The following SEMA5A variants were observed in gnomAD, a reference collection of about 807,000 sequenced individuals.
SEMA5A encodes the protein semaphorin-5A.
SEMA5A carries 55 observed loss-of-function variants against 135.5 expected under a neutral mutation model. The ratio of observed to expected loss-of-function variants is 0.41; its 90% CI spans 0.33 to 0.51. The LOEUF (loss-of-function observed/expected upper bound fraction) is 0.51. SEMA5A is among the 20% of genes least tolerant of loss of function. The pLI is 0.37. For missense variants in SEMA5A, 1,290 were observed against 1,419.9 expected, an observed-to-expected ratio of 0.91 and a Z score of 1.47; for synonymous variants, 580 against 546.5, an observed-to-expected ratio of 1.06 and a Z score of -0.85.
intron 2 of SEMA5A, among the ~76,000 whole-genome samples, chr5:9,407,300 C>G (rs749844813): frequency 6.6e-6 from 1 of 152,190 alleles, no homozygotes; most frequent in Non-Finnish European, 1.5e-5. Context: ...ATTTTCTTCT[C>G]TACTTACTGT....
chr5:9,460,516 C>T (rs909567626), intron 1 of SEMA5A, among the ~76,000 whole-genome samples: 2 of 152,030 alleles, frequency 1.3e-5, no homozygotes, highest in East Asian at 3.8e-4. Context: ...TTATTTCAAT[C>T]TGTCTACTAT....
At chr5:9,203,294 T>C (rs1745822979) in intron 8 of SEMA5A, among the ~76,000 whole-genome samples, 1 of 152,218 alleles carries the variant, frequency 6.6e-6, no homozygotes, top group Non-Finnish European at 1.5e-5. Flanking sequence ...CCAAAATTAA[T>C]GGAAAGATAC....
intron 11 of SEMA5A, among the ~76,000 whole-genome samples, chr5:9,169,657 T>G (rs962665366): frequency 6.6e-6 from 1 of 152,236 alleles, no homozygotes; most frequent in African/African-American, 2.4e-5. Flanking sequence ...GCTCTCCCAC[T>G]CTCCTCTCCC....
At chr5:9,104,917 G>A (rs1739826503) in intron 16 of SEMA5A, among the ~76,000 whole-genome samples, 1 of 152,190 alleles carries the variant, frequency 6.6e-6, no homozygotes, top group Non-Finnish European at 1.5e-5. Context: ...CACCAGGGAG[G>A]GACATTTGCT....
At chr5:9,479,851 A>G (rs185115066) in intron 1 of SEMA5A, among the ~76,000 whole-genome samples, 4 of 152,346 alleles carry the variant, frequency 2.6e-5, no homozygotes, top group East Asian at 1.9e-4. Context: ...AGAGAAGGCT[A>G]CAGGGAGAGG....
chr5:9,286,897 C>G (rs575232967), intron 5 of SEMA5A, among the ~76,000 whole-genome samples: 2 of 152,370 alleles, frequency 1.3e-5, no homozygotes, highest in South Asian at 4.1e-4. Context: ...CGGGCTCCTT[C>G]TGCACCTTGG....
At chr5:9,467,759 G>C (rs1561277332) in intron 1 of SEMA5A, among the ~76,000 whole-genome samples, 2 of 152,172 alleles carry the variant, frequency 1.3e-5, no homozygotes. Context: ...GTCTAGGCAG[G>C]CCTAAGCCCG....
At chr5:9,349,480 G>A (rs1207016524) in intron 3 of SEMA5A, among the ~76,000 whole-genome samples, 2 of 152,114 alleles carry the variant, frequency 1.3e-5, no homozygotes, top group African/African-American at 4.8e-5. Context: ...AACTGAAGAA[G>A]ATAAATACTA....
At chr5:9,435,316 C>G (rs2126666315) in intron 2 of SEMA5A, among the ~76,000 whole-genome samples, 1 of 152,174 alleles carries the variant, frequency 6.6e-6, no homozygotes, top group East Asian at 1.9e-4. Context: ...GTAGGAAATA[C>G]CATCTAAACT....
chr5:9,058,760 C>T (rs2150058187), intron 18 of SEMA5A, among the ~76,000 whole-genome samples: 1 of 152,322 alleles, frequency 6.6e-6, no homozygotes, highest in South Asian at 2.1e-4. Context: ...CACTCACAGT[C>T]TCTCGGGACA....
intron 1 of SEMA5A, among the ~76,000 whole-genome samples, chr5:9,496,188 G>A (rs1244885839): frequency 6.6e-6 from 1 of 152,114 alleles, no homozygotes; most frequent in Non-Finnish European, 1.5e-5. Flanking sequence ...GGAATTACAA[G>A]CGTGTGCCAC....
chr5:9,185,617 T>C (rs1744762657), intron 11 of SEMA5A, among the ~76,000 whole-genome samples: 1 of 152,202 alleles, frequency 6.6e-6, no homozygotes, highest in South Asian at 2.1e-4. Context: ...TGAGATATAA[T>C]TTGCATGCCA....
intron 1 of SEMA5A, among the ~76,000 whole-genome samples, chr5:9,532,572 G>A (rs574305726): frequency 6.6e-6 from 1 of 151,946 alleles, no homozygotes; most frequent in East Asian, 1.9e-4. Context: ...ACAGGCATGA[G>A]CCACTGTGCC....
intron 3 of SEMA5A, among the ~76,000 whole-genome samples, chr5:9,355,127 A>T (rs1450880988): frequency 6.6e-6 from 1 of 152,112 alleles, no homozygotes; most frequent in East Asian, 1.9e-4. Flanking sequence ...TAACTACTCA[A>T]CTCTGCCTTT....
chr5:9,181,423 C>T (rs1374327430), intron 11 of SEMA5A, among the ~76,000 whole-genome samples: 1 of 152,172 alleles, frequency 6.6e-6, no homozygotes, highest in Non-Finnish European at 1.5e-5. Flanking sequence ...ACTTCAGGTG[C>T]TGCCCTTAGA....
At chr5:9,258,246 T>G (rs555515653) in intron 5 of SEMA5A, among the ~76,000 whole-genome samples, 9 of 152,348 alleles carry the variant, frequency 5.9e-5, no homozygotes, top group African/African-American at 2.2e-4. Context: ...CTCTATATTT[T>G]CATGTAAGTT....
chr5:9,132,652 A>C (rs1741496852), intron 13 of SEMA5A, among the ~76,000 whole-genome samples: 1 of 151,950 alleles, frequency 6.6e-6, no homozygotes, highest in South Asian at 2.1e-4. Context: ...ATGAAGTTTG[A>C]CTAGAACACT....
chr5:9,387,923 A>G (rs1755967592), intron 2 of SEMA5A, among the ~76,000 whole-genome samples: 1 of 150,420 alleles, frequency 6.6e-6, no homozygotes, highest in Non-Finnish European at 1.5e-5. Flanking sequence ...AAGAAACAAG[A>G]TCTTTTTTAT....
At chr5:9,361,511 ATACT>A (rs1754694771) in intron 3 of SEMA5A, among the ~76,000 whole-genome samples, 1 of 152,184 alleles carries the variant, frequency 6.6e-6, no homozygotes, top group Non-Finnish European at 1.5e-5. Context: ...TTCTAGATAA[ATACT>A]TAATAAATGT....
Sources: allele counts gnomAD v4.1 joint callset (sites outside exome capture counted in the v4.1 genomes callset), GRCh38; gene constraint gnomAD v4.1.1; transcripts MANE v1.5; gene names NCBI Gene and HGNC (gene_info 2026-07-23, HGNC 2026-07-21).